CORIN: variants seen among roughly 807,000 people sequenced by gnomAD.
CORIN encodes the protein atrial natriuretic peptide-converting enzyme.
CORIN carries 117 observed loss-of-function variants against 125.3 expected under a neutral mutation model. The observed-to-expected ratio is 0.93, with a 90% CI of 0.80 to 1.09. The LOEUF (loss-of-function observed/expected upper bound fraction) is 1.09. Ranked by LOEUF, CORIN falls within the 50% of genes least tolerant of loss-of-function variation. CORIN has a pLI of 0.00. For missense variants in CORIN, 1,253 were observed against 1,306.7 expected (o/e 0.96, Z 0.63); for synonymous variants, 450 against 466.4 (o/e 0.96, Z 0.45).
chr4:47,817,953 C>T (rs141248067), intron 1 of CORIN, among the ~76,000 whole-genome samples: 77 of 152,318 alleles, frequency 5.1e-4, no homozygotes, highest in African/African-American at 1.7e-3. Flanking sequence ...CCTTCTACAG[C>T]TGGTAGATTT....
At chr4:47,651,010 T>C (rs1463404127) in intron 13 of CORIN, among the ~76,000 whole-genome samples, 1 of 152,220 alleles carries the variant, frequency 6.6e-6, no homozygotes, top group Non-Finnish European at 1.5e-5. Flanking sequence ...TTAAGAACAG[T>C]ATTACTGATT....
Position 47,595,917 on chromosome 4 carries a change from C to G in CORIN, c.2947-14G>C, listed in dbSNP as rs768416891. 1 of 1,601,260 alleles carries G rather than the reference C, an allele frequency of 6.2e-7. No individual in the cohort carries two copies. Among genetic ancestry groups the G allele is most frequent in the South Asian group, 1.1e-5 (1 of 89,192 alleles). ...ACCGCTGTCACCCTGCAATAAGTAA[C>G]GATGGGAGTTAGGAACTGGCATTTC... On this transcript the variant is annotated splice_polypyrimidine_tract_variant and intron_variant, in intron 21 of 21. Transcript: ENST00000273857.
At chr4:47,607,191 G>A (rs1339487125) in intron 19 of CORIN, among the ~76,000 whole-genome samples, 2 of 152,082 alleles carry the variant, frequency 1.3e-5, no homozygotes, top group African/African-American at 4.8e-5. Context: ...GGCAGATCAC[G>A]AGGTCAGGAG....
chr4:47,790,678 T>G (rs1311646054), intron 2 of CORIN, among the ~76,000 whole-genome samples: 2 of 152,152 alleles, frequency 1.3e-5, no homozygotes, highest in Non-Finnish European at 2.9e-5. Flanking sequence ...TACACATTGA[T>G]GGTAATGACA....
rs1456551194 is a variant in CORIN, at chr4:47,763,546, C to A, written c.450G>T (p.Leu150=). 1 of 1,614,158 alleles carries A rather than the reference C, an allele frequency of 6.2e-7. No individual in the cohort carries two copies. The highest frequency in any genetic ancestry group is 1.7e-5 in the Admixed American group (1 of 60,016). ...MNITHSQCQM[L]PYHATLTPLL... ...GAGGTGTCAGCGTGGCGTGGTAGGGCAGCATCTGACACTGGCTGTGGGTGA... is the reference window on the plus strand; with the variant it reads ...GAGGTGTCAGCGTGGCGTGGTAGGGAAGCATCTGACACTGGCTGTGGGTGA... Residue 150 remains leucine, a synonymous_variant, in exon 4 of 22, where the codon CTG becomes CTT. Transcript: ENST00000273857.
rs759705913 is a variant in CORIN, at chr4:47,665,138, G to A, written c.1483C>T (p.Pro495Ser). 1.9e-6 allele frequency: 3 copies of A among 1,613,882 alleles called. No homozygotes were observed. The highest frequency in any genetic ancestry group is 1.3e-5 in the African/African-American group (1 of 75,020). The change falls in exon 11 of 22, where the codon CCT becomes TCT. Residue 495 changes from proline to serine, a missense_variant. Transcript: ENST00000273857. ...ASISWESSLF[P>S]ALVQTNCYKY... ...TAACAGTTGGTTTGAACAAGTGCAG[G>A]GAAAAGAGAAGACTCCCAGCTGATG...
In CORIN at chr4:47,755,737, T is replaced by C. The variant is rs1729105083; in HGVS notation, c.617+7642A>G. ...AAGCTCAGGAGCTTCAGAAGGAAGCTAAATTATCTCTGGAAATATTATCCA... is the reference window on the plus strand; with the variant it reads ...AAGCTCAGGAGCTTCAGAAGGAAGCCAAATTATCTCTGGAAATATTATCCA... On this transcript the variant is annotated intron_variant, in intron 4 of 21. Coordinates refer to ENST00000273857, the MANE Select transcript of CORIN (RefSeq NM_006587.4). 2.6e-5 allele frequency among the ~76,000 whole-genome samples: 4 copies of C among 152,330 alleles called. No homozygotes were observed. The South Asian group carries it at 8.3e-4, about 32-fold the overall frequency.
At chr4:47,800,855 C>G (rs1201477478) in intron 2 of CORIN, among the ~76,000 whole-genome samples, 1 of 152,112 alleles carries the variant, frequency 6.6e-6, no homozygotes. Context: ...ACTATTCTTC[C>G]TGTATCTCTT....
intron 19 of CORIN, among the ~76,000 whole-genome samples, chr4:47,615,802 G>A (rs1057077252): frequency 5.9e-5 from 9 of 152,004 alleles, no homozygotes; most frequent in African/African-American, 2.2e-4. Flanking sequence ...GTGATACTTT[G>A]TTATGGCAGC....
At chr4:47,702,747 T>C (rs1010221857) in intron 5 of CORIN, among the ~76,000 whole-genome samples, 7 of 152,152 alleles carry the variant, frequency 4.6e-5, no homozygotes, top group Admixed American at 2.0e-4. Context: ...TTCTTTCAAA[T>C]TTACAGTGAA....
intron 21 of CORIN, among the ~76,000 whole-genome samples, chr4:47,596,486 C>G (rs1419831795): frequency 1.3e-5 from 2 of 152,078 alleles, no homozygotes; most frequent in Middle Eastern, 3.2e-3. Context: ...TATAATGAAT[C>G]ATTAATAGCC....
At chr4:47,729,223 T>G (rs996378467) in intron 5 of CORIN, among the ~76,000 whole-genome samples, 1 of 152,236 alleles carries the variant, frequency 6.6e-6, no homozygotes, top group African/African-American at 2.4e-5. Context: ...AAAAGTATTT[T>G]TAAAGCTTCA....
chr4:47,737,740 C>A (rs1211705358), intron 5 of CORIN, among the ~76,000 whole-genome samples: 1 of 152,162 alleles, frequency 6.6e-6, no homozygotes, highest in Non-Finnish European at 1.5e-5. Context: ...TAGTGTCAGA[C>A]ATGGTCTAAG....
chr4:47,799,105 G>GT (rs1731417515), intron 2 of CORIN, among the ~76,000 whole-genome samples: 3 of 142,762 alleles, frequency 2.1e-5, no homozygotes, highest in African/African-American at 8.2e-5. Flanking sequence ...GTATCCCATG[G>GT]GGTGTGTGTG....
At chr4:47,791,147 T>C (rs1731060591) in intron 2 of CORIN, among the ~76,000 whole-genome samples, 1 of 152,130 alleles carries the variant, frequency 6.6e-6, no homozygotes, top group African/African-American at 2.4e-5. Flanking sequence ...GAAGAGACTA[T>C]CCTGGATTAT....
chr4:47,622,952 T>C (rs1722381276), intron 19 of CORIN, among the ~76,000 whole-genome samples: 1 of 152,062 alleles, frequency 6.6e-6, no homozygotes, highest in Non-Finnish European at 1.5e-5. Flanking sequence ...TCAATTAAGT[T>C]CATTTCCCAT....
intron 3 of CORIN, among the ~76,000 whole-genome samples, chr4:47,766,337 G>C (rs1729737752): frequency 6.6e-6 from 1 of 152,132 alleles, no homozygotes; most frequent in Admixed American, 6.5e-5. Flanking sequence ...TAACTTCATG[G>C]CCCAAGATAG....
intron 8 of CORIN, among the ~76,000 whole-genome samples, chr4:47,678,763 T>A (rs1024106105): frequency 1.2e-4 from 19 of 152,180 alleles, no homozygotes; most frequent in African/African-American, 4.1e-4. Flanking sequence ...GACCTCAGCC[T>A]TCACTGAATT....
chr4:47,649,577 T>C (rs4145945), intron 13 of CORIN, among the ~76,000 whole-genome samples: 21,070 of 152,202 alleles, frequency 0.14, 1,962 homozygotes, highest in East Asian at 0.47. Flanking sequence ...AGAGATAATG[T>C]GGGTGTTCTC....
Sources: allele counts gnomAD v4.1 joint callset (sites outside exome capture counted in the v4.1 genomes callset), GRCh38; gene constraint gnomAD v4.1.1; transcripts MANE v1.5; gene names NCBI Gene and HGNC (gene_info 2026-07-23, HGNC 2026-07-21).